The following MAP2 variants were observed in gnomAD, a reference collection of about 807,000 sequenced individuals.
MAP2 encodes the protein microtubule associated protein 2, also known as microtubule-associated protein 2.
In MAP2, 14 loss-of-function variants were observed where a neutral mutation model predicts 137.6. That is an observed-to-expected ratio of 0.10 (90% CI 0.07 to 0.16). MAP2 has a LOEUF of 0.16. Ranked by LOEUF, MAP2 falls within the 10% of genes least tolerant of loss-of-function variation. MAP2 has a pLI of 1.00. For synonymous variants in MAP2, 786 were observed against 782.3 expected (o/e 1.00, Z -0.08); for missense variants, 2,088 against 2,191.5 (o/e 0.95, Z 0.94).
At chr2:209,554,651 G>A (rs1225748931) in intron 2 of MAP2, among the ~76,000 whole-genome samples, 1 of 152,016 alleles carries the variant, frequency 6.6e-6, no homozygotes, top group Non-Finnish European at 1.5e-5. Flanking sequence ...TCAGGTGGCT[G>A]AGGTGGGAGG....
chr2:209,615,971 C>G (rs995353186), intron 3 of MAP2, among the ~76,000 whole-genome samples: 1 of 152,202 alleles, frequency 6.6e-6, no homozygotes, highest in Non-Finnish European at 1.5e-5. Context: ...CCCAGCCACA[C>G]AGGCAGAACT....
At chr2:209,680,863 G>A (rs1326138354) in intron 7 of MAP2, 36 bp downstream of exon 7, 12 of 1,563,760 alleles carry the variant, frequency 7.7e-6, no homozygotes, top group Non-Finnish European at 9.7e-6. Context: ...TTTGTCTTCT[G>A]TTAAAGTGTG....
chr2:209,644,709 C>T (rs1411773689), intron 4 of MAP2, among the ~76,000 whole-genome samples: 1 of 148,930 alleles, frequency 6.7e-6, no homozygotes, highest in Non-Finnish European at 1.5e-5. Flanking sequence ...AAAATGAAAG[C>T]CAAAGTATGA....
At chr2:209,456,227 G>A (rs79079399) in intron 1 of MAP2, among the ~76,000 whole-genome samples, 1 of 152,098 alleles carries the variant, frequency 6.6e-6, no homozygotes, top group African/African-American at 2.4e-5. Flanking sequence ...ATCTTCCAGT[G>A]CATCCTTAGG....
chr2:209,609,665 G>A (rs1019876481), intron 3 of MAP2, among the ~76,000 whole-genome samples: 3 of 152,148 alleles, frequency 2.0e-5, no homozygotes, highest in Non-Finnish European at 4.4e-5. Flanking sequence ...TTTTATGGAA[G>A]AATAATATTC....
chr2:209,593,763 TATA>T (rs1559372184), intron 3 of MAP2, among the ~76,000 whole-genome samples: 301 of 782 alleles, frequency 0.38, 23 homozygotes, highest in Non-Finnish European at 0.42. Context: ...ATATATAATA[TATA>T]ATATAATATA....
chr2:209,693,062 T>C lies in MAP2; in HGVS notation c.892T>C (p.Phe298Leu). Residue 298 changes from phenylalanine (F) to leucine (L), a missense_variant, in exon 8 of 16, where the codon TTT becomes CTT. Phe to Leu is a conservative substitution (Grantham distance 22). Around this residue, in one of 6 missense-constraint regions of MAP2, gnomAD observed 859 missense variants for 794.5 expected, o/e 1.08. Transcript: ENST00000682079. ...PLTPMREKDV[F>L]DDIPKWEGKQ... ...GACTCCCATGAGGGAAAAAGATGTA[T>C]TTGATGATATCCCAAAATGGGAAGG... is the stretch of plus-strand genomic sequence containing the variant. 6.2e-7 allele frequency: 1 copy of C among 1,613,178 alleles called. No homozygotes were observed. The highest frequency in any genetic ancestry group is 1.7e-4 in the Middle Eastern group (1 of 6,050).
chr2:209,470,038 G>A (rs1249200874), intron 1 of MAP2, among the ~76,000 whole-genome samples: 4 of 152,110 alleles, frequency 2.6e-5, no homozygotes, highest in African/African-American at 9.7e-5. Flanking sequence ...ATTCTCGACA[G>A]CCCACCTACC....
chr2:209,611,936 C>CT (rs761031099), intron 3 of MAP2, among the ~76,000 whole-genome samples: 4 of 152,160 alleles, frequency 2.6e-5, no homozygotes, highest in Non-Finnish European at 4.4e-5. Flanking sequence ...ACCCTAAAAC[C>CT]TATTAGCGTG....
chr2:209,595,065 A>G (rs2080878056), intron 3 of MAP2, among the ~76,000 whole-genome samples: 1 of 152,200 alleles, frequency 6.6e-6, no homozygotes, highest in South Asian at 2.1e-4. Flanking sequence ...TAGAAATTAT[A>G]TGGTGGTAGC....
chr2:209,662,165 C>T (rs1559505289), intron 5 of MAP2, among the ~76,000 whole-genome samples: 1 of 152,156 alleles, frequency 6.6e-6, no homozygotes, highest in Non-Finnish European at 1.5e-5. Flanking sequence ...ACAAACACTT[C>T]AAGTTGTGAA....
intron 2 of MAP2, among the ~76,000 whole-genome samples, chr2:209,562,699 A>G (rs1305144406): frequency 6.6e-6 from 1 of 152,096 alleles, no homozygotes; most frequent in Non-Finnish European, 1.5e-5. Flanking sequence ...TCTGTCAAAA[A>G]AAAAACAAAA....
At chr2:209,621,280 A>G (rs752985062) in intron 3 of MAP2, among the ~76,000 whole-genome samples, 23 of 120,940 alleles carry the variant, frequency 1.9e-4, no homozygotes, top group Non-Finnish European at 3.5e-4. Flanking sequence ...TTTTTTTGAG[A>G]GAGAGTCTTG....
intron 4 of MAP2, among the ~76,000 whole-genome samples, chr2:209,643,690 T>C (rs192512973): frequency 8.7e-4 from 121 of 138,980 alleles, no homozygotes; most frequent in African/African-American, 3.8e-3. Flanking sequence ...TAATGTGAAG[T>C]AGATTTTTTT....
Position 209,693,798 on chromosome 2 carries a change from A to G in MAP2, c.1628A>G (p.Asp543Gly). 1.2e-6 allele frequency: 2 copies of G among 1,614,060 alleles called. No individual in the cohort carries two copies. Among genetic ancestry groups the G allele is most frequent in the Non-Finnish European group, 1.7e-6 (2 of 1,179,976 alleles). ...IQELFEMRVD[D>G]KDKIEGVGAA... ...GAACTTTTTGAAATGAGAGTTGATG[A>G]CAAAGATAAGATTGAAGGAGTTGGA... The change falls in exon 8 of 16, where the codon GAC becomes GGC. Residue 543 changes from aspartate to glycine, a missense_variant. Asp to Gly is a moderately conservative substitution (Grantham distance 94). Around this residue, in one of 6 missense-constraint regions of MAP2, gnomAD observed 859 missense variants for 794.5 expected, o/e 1.08. Transcript: ENST00000682079.
intron 2 of MAP2, among the ~76,000 whole-genome samples, chr2:209,540,470 A>G (rs1024006405): frequency 5.9e-5 from 9 of 151,436 alleles, no homozygotes; most frequent in Non-Finnish European, 1.2e-4. Context: ...CGTCTCTACT[A>G]AAAATACGAA....
intron 2 of MAP2, among the ~76,000 whole-genome samples, chr2:209,526,142 A>G (rs942073353): frequency 2.6e-5 from 4 of 152,134 alleles, no homozygotes; most frequent in Non-Finnish European, 5.9e-5. Flanking sequence ...AGAAGGTCTG[A>G]TAATTCAGAA....
chr2:209,717,423 T>G (rs1394487407), intron 13 of MAP2, among the ~76,000 whole-genome samples: 1 of 152,158 alleles, frequency 6.6e-6, no homozygotes, highest in South Asian at 2.1e-4. Flanking sequence ...CCTCCTCCAA[T>G]TCAACCTGAG....
chr2:209,657,817 T>G (rs13385585), intron 5 of MAP2, among the ~76,000 whole-genome samples: 28,689 of 152,120 alleles, frequency 0.19, 3,885 homozygotes, highest in African/African-American at 0.38. Context: ...TTTTGGGGTG[T>G]TAGTCATTAT....
Sources: gnomAD v4.1 joint callset for allele counts (sites outside exome capture counted in the v4.1 genomes callset) on GRCh38, gnomAD v4.1.1 for gene constraint, gnomAD v4.1.1 regional missense constraint, MANE v1.5 for transcripts, NCBI Gene and HGNC (gene_info 2026-07-23, HGNC 2026-07-21) for gene names.